Variants in SEMA3F observed in about 807,000 individuals in gnomAD.
SEMA3F encodes the protein semaphorin-3F.
A neutral mutation model predicts 98.5 loss-of-function variants in SEMA3F; 30 were observed. The observed-to-expected ratio is 0.30, with a 90% CI of 0.23 to 0.41. The LOEUF (loss-of-function observed/expected upper bound fraction) is 0.41. SEMA3F is among the 10% of genes least tolerant of loss of function. The pLI, the probability that SEMA3F is intolerant of heterozygous loss-of-function variation, is 1.00. For synonymous variants in SEMA3F, 380 were observed against 444.8 expected, an observed-to-expected ratio of 0.85 and a Z score of 1.83; for missense variants, 866 against 1,119.3, an observed-to-expected ratio of 0.77 and a Z score of 3.23.
rs542825031 is a variant in SEMA3F at position 50,173,695 on chromosome 3, G to A, written c.113-98G>A. On this transcript the variant is annotated intron_variant, in intron 2 of 18. Transcript: ENST00000002829. ...AAGACCACTCTGTGGTGGGGGTCCTGAGGGGAACCTCAGGGCCTCAGTCTC... is the reference window on the plus strand; with the variant it reads ...AAGACCACTCTGTGGTGGGGGTCCTAAGGGGAACCTCAGGGCCTCAGTCTC... The A allele has an allele frequency of 3.2e-5, 33 of 1,039,342 alleles. 1 individual carries two copies. The African/African-American group carries it at 5.0e-4, about 16-fold the overall frequency. 64.4% of individuals were successfully genotyped at this position (1,039,342 alleles called of 1,614,324 possible).
intron 6 of SEMA3F, among the ~76,000 whole-genome samples, chr3:50,175,666 T>G (rs968177348): frequency 1.3e-5 from 2 of 151,952 alleles, no homozygotes; most frequent in African/African-American, 4.8e-5. Flanking sequence ...CCGTGTGGTA[T>G]CTGTCCACTA....
intron 13 of SEMA3F, 66 bp downstream of exon 13, chr3:50,184,880 G>GGCTGGGGCTTGCCCT (rs1699152450): frequency 6.3e-6 from 8 of 1,272,724 alleles, no homozygotes; most frequent in Non-Finnish European, 7.8e-6. Context: ...AGATCCTTGG[G>GGCTGGGGCTTGCCCT]GCTGGGGCTT....
intron 3 of SEMA3F, 36 bp from the exon 4 acceptor site, chr3:50,174,016 C>G (rs772439222): frequency 1.2e-6 from 2 of 1,613,930 alleles, no homozygotes; most frequent in Non-Finnish European, 1.7e-6. Flanking sequence ...CAGGGCATGT[C>G]CAGAAGGCTG....
rs1296417677 is a variant in SEMA3F at position 50,183,535 on chromosome 3, G to C, written c.1204G>C (p.Gly402Arg). The C allele has an allele frequency of 1.9e-6, 3 of 1,614,052 alleles. No homozygotes were observed. The highest frequency in any genetic ancestry group is 8.5e-7 in the Non-Finnish European group (1 of 1,180,024). Reference sequence around the variant, plus strand: ...CAACTACCAGTGGATGCCCTTCTCAGGGAAGATGCCCTACCCACGGCCGGG... The same window carrying C: ...CAACTACCAGTGGATGCCCTTCTCACGGAAGATGCCCTACCCACGGCCGGG... Reference protein sequence around the residue: ...GPNYQWMPFSGKMPYPRPGTC... With the variant: ...GPNYQWMPFSRKMPYPRPGTC... Residue 402 changes from glycine (G) to arginine (R), a missense_variant, in exon 12 of 19, where the codon GGG (glycine) becomes CGG (arginine). By Grantham distance (125) the Gly-to-Arg change is moderately radical. Around this residue, in one of 3 missense-constraint regions of SEMA3F, gnomAD observed 374 missense variants for 582.8 expected, o/e 0.64. Transcript: ENST00000002829.
rs1354471822 is a variant in SEMA3F, at chr3:50,188,528, A to C, written c.*413A>C. 1.3e-5 allele frequency: 2 copies of C among 152,462 alleles called. No homozygotes were observed. The highest frequency in any genetic ancestry group is 2.9e-5 in the Non-Finnish European group (2 of 68,114). The allele number at this position is 152,462 out of a possible 1,614,324, so 9.4% of individuals were successfully genotyped here. A position where few individuals can be genotyped will look rare whatever the true frequency, so the allele number is the denominator to read the frequency against. Reference sequence around the variant, plus strand: ...TGTCAGCCTGTGCTGTGGCATAGACATGGATGCGAGGACCACTTTGGAGAC... The same window carrying C: ...TGTCAGCCTGTGCTGTGGCATAGACCTGGATGCGAGGACCACTTTGGAGAC... On this transcript the variant is annotated 3_prime_UTR_variant, in exon 19 of 19. Coordinates refer to ENST00000002829, the MANE Select transcript of SEMA3F (RefSeq NM_004186.5). This position sits in a 1 kb window ranked among gnomAD's most constrained non-coding sequence, Gnocchi z 4.5.
rs1699147094 is a variant in SEMA3F, at chr3:50,184,731, G to A, written c.1373G>A (p.Gly458Asp). The A allele has an allele frequency of 6.2e-7, 1 of 1,614,028 alleles. No homozygotes were observed. The highest frequency in any genetic ancestry group is 1.7e-5 in the Admixed American group (1 of 60,006). Residue 458 changes from glycine to aspartate, a missense_variant, in exon 13 of 19, where the codon GGT becomes GAT. Physicochemically the swap from Gly to Asp is moderately conservative, Grantham distance 94. Transcript: ENST00000002829. ...CGGCGGCCCCTGGTAGTCCGCACAG[G>A]TGCTCCCTACCGCCTTACCACTATT... ...LQRRPLVVRT[G>D]APYRLTTIAV...
rs767795681 is a variant in SEMA3F at position 50,187,892 on chromosome 3, T to C, written c.2135T>C (p.Met712Thr). Residue 712 changes from methionine (M) to threonine (T), a missense_variant, in exon 19 of 19, where the codon ATG (methionine) becomes ACG (threonine). Met to Thr is a moderately conservative substitution (Grantham distance 81, BLOSUM62 -1). Transcript: ENST00000002829. ...GCTGCCCTCTTCCCACCACTGTCCA[T>C]GAGCGCCCCGCCACCCCCAGGCGCA... ...VHAALFPPLS[M>T]SAPPPPGAGP... The C allele has an allele frequency of 1.2e-6, 2 of 1,610,320 alleles. No homozygotes were observed. The highest frequency in any genetic ancestry group is 1.7e-6 in the Non-Finnish European group (2 of 1,177,988).
intron 7 of SEMA3F, among the ~76,000 whole-genome samples, chr3:50,178,829 C>CTTTTTTT (rs1226887922): frequency 4.7e-4 from 35 of 75,158 alleles, no homozygotes; most frequent in Admixed American, 8.3e-4. Context: ...AATTCTTTTT[C>CTTTTTTT]TTTTTTTTTT....
chr3:50,185,112 A>G (rs1699159014), intron 13 of SEMA3F, among the ~76,000 whole-genome samples: 1 of 152,182 alleles, frequency 6.6e-6, no homozygotes, highest in Non-Finnish European at 1.5e-5. Flanking sequence ...TCCAGGATAC[A>G]GAGGCCATAC....
At position 50,182,574 on chromosome 3, in the gene SEMA3F, G is replaced by C; in HGVS notation, c.764-70G>C. 6.3e-7 allele frequency: 1 copy of C among 1,589,822 alleles called. No individual in the cohort carries two copies. Among genetic ancestry groups the C allele is most frequent in the Middle Eastern group, 1.7e-4 (1 of 5,946 alleles). On this transcript the variant is annotated intron_variant, in intron 8 of 18. Coordinates refer to ENST00000002829, the MANE Select transcript of SEMA3F (RefSeq NM_004186.5). The surrounding 1 kb of genome is among the most constrained non-coding windows in gnomAD (Gnocchi z 4.5). ...GGGGGTGTTCTTGCACCTGGCTGGG[G>C]ATTCTGTTGGAGAACATCAGGGGCA...
rs776557396 is a variant in SEMA3F, at chr3:50,159,628, T to A, written c.6T>A (p.Leu2=). 5.6e-6 allele frequency: 9 copies of A among 1,605,818 alleles called. No individual in the cohort carries two copies. In the South Asian group the frequency reaches 1.0e-4, roughly 18 times the overall value. The change falls in exon 2 of 19, where the codon CTT becomes CTA. Residue 2 remains leucine, a synonymous_variant. Coordinates refer to ENST00000002829, the MANE Select transcript of SEMA3F (RefSeq NM_004186.5). M[L]VAGLLLWASL... ...GGCCCTAGGCCCCTCCCACAATGCT[T>A]GTCGCCGGTCTTCTTCTCTGGGCTT...
In SEMA3F at chr3:50,182,566, T is replaced by G. The variant is rs1043607795; in HGVS notation, c.764-78T>G. On this transcript the variant is annotated intron_variant, in intron 8 of 18. Coordinates refer to ENST00000002829, the MANE Select transcript of SEMA3F (RefSeq NM_004186.5). This position sits in a 1 kb window ranked among gnomAD's most constrained non-coding sequence, Gnocchi z 4.5. ...GAGGAGTTGGGGGTGTTCTTGCACC[T>G]GGCTGGGGATTCTGTTGGAGAACAT... 7 of 1,586,648 alleles carry G rather than the reference T, an allele frequency of 4.4e-6. No individual in the cohort carries two copies. The African/African-American group carries it at 9.4e-5, about 21-fold the overall frequency.
intron 6 of SEMA3F, 82 bp downstream of exon 6, chr3:50,175,270 C>T (rs750340254): frequency 1.1e-6 from 1 of 951,030 alleles, no homozygotes; most frequent in Non-Finnish European, 1.7e-6. Flanking sequence ...TGAGGCCAGC[C>T]TCCCCAGGGC....
chr3:50,185,602 G>C (rs1157979831), intron 14 of SEMA3F, 64 bp from the exon 15 acceptor site: 16 of 1,610,530 alleles, frequency 9.9e-6, no homozygotes, highest in Non-Finnish European at 1.3e-5. Context: ...TCTGACCTGA[G>C]ACCTCTAGGT....
At position 50,182,368 on chromosome 3, in the gene SEMA3F, T is replaced by C. The variant is rs779830920; in HGVS notation, c.728T>C (p.Met243Thr). 1.1e-5 allele frequency: 18 copies of C among 1,613,898 alleles called. No individual in the cohort carries two copies. The highest frequency in any genetic ancestry group is 1.7e-5 in the Admixed American group (1 of 60,004). The change falls in exon 8 of 19, where the codon ATG (methionine) becomes ACG (threonine). Residue 243 changes from methionine (M) to threonine (T), a missense_variant. Transcript: ENST00000002829. This position sits in a 1 kb window ranked among gnomAD's most constrained non-coding sequence, Gnocchi z 4.5. ...CGCACACTTGGAAAGCAGACAGCCA[T>C]GCGCACGGATCAGTACAACTCCCGG... ...IFRTLGKQTA[M>T]RTDQYNSRWL...
chr3:50,160,469 C>T (rs1698163260), intron 2 of SEMA3F, among the ~76,000 whole-genome samples: 1 of 152,212 alleles, frequency 6.6e-6, no homozygotes, highest in African/African-American at 2.4e-5. Flanking sequence ...CAGGTGCACG[C>T]ACACGGTACA....
intron 18 of SEMA3F, among the ~76,000 whole-genome samples, chr3:50,187,226 A>C (rs981493776): frequency 2.6e-5 from 4 of 152,192 alleles, no homozygotes; most frequent in Non-Finnish European, 5.9e-5. Flanking sequence ...CAGGGGTTCG[A>C]GACCAGCCTG....
chr3:50,169,786 G>A (rs1427088555), intron 2 of SEMA3F, among the ~76,000 whole-genome samples: 2 of 152,208 alleles, frequency 1.3e-5, no homozygotes, highest in Non-Finnish European at 2.9e-5. Context: ...CATCAGCCCT[G>A]GCCCCCACTG....
rs764010560 is a variant in SEMA3F, at chr3:50,183,513, C to G, written c.1182C>G (p.Asn394Lys). Residue 394 changes from asparagine (N) to lysine (K), a missense_variant, in exon 12 of 19, where the codon AAC becomes AAG. Around this residue, in one of 3 missense-constraint regions of SEMA3F, gnomAD observed 374 missense variants for 582.8 expected, o/e 0.64. Transcript: ENST00000002829. ...NGPFAHKEGP[N>K]YQWMPFSGKM... The stretch of plus-strand genomic sequence containing the variant: ...CCTTTGCCCACAAAGAGGGGCCCAA[C>G]TACCAGTGGATGCCCTTCTCAGGGA... 1.2e-6 allele frequency: 2 copies of G among 1,614,102 alleles called. No homozygotes were observed. Among genetic ancestry groups the G allele is most frequent in the Non-Finnish European group, 1.7e-6 (2 of 1,180,020 alleles).
Sources: gnomAD v4.1 joint callset for allele counts (sites outside exome capture counted in the v4.1 genomes callset) on GRCh38, gnomAD v4.1.1 for gene constraint, gnomAD v4.1.1 regional missense constraint, Gnocchi (gnomAD v3.1) non-coding constraint, MANE v1.5 for transcripts, NCBI Gene and HGNC (gene_info 2026-07-23, HGNC 2026-07-21) for gene names.